The following CPNE1 variants were observed in gnomAD, a reference collection of about 807,000 sequenced individuals.
The protein encoded by CPNE1 is copine-1.
A neutral mutation model predicts 63.2 loss-of-function variants in CPNE1; 58 were observed. The ratio of observed to expected loss-of-function variants is 0.92; its 90% CI spans 0.74 to 1.14. The LOEUF is 1.14. CPNE1 is among the 50% of genes most tolerant of loss of function. CPNE1 has a pLI of 0.00. For missense variants in CPNE1, 672 were observed against 661.7 expected (o/e 1.02, Z -0.17); for synonymous variants, 237 against 249.0 (o/e 0.95, Z 0.45).
chr20:35,653,408 A>G, intron 1 of CPNE1: 1 of 1,614,096 alleles, frequency 6.2e-7, no homozygotes, highest in Non-Finnish European at 8.5e-7. Context: ...GGCATCTTTA[A>G]TCCCTTTTTT....
chr20:35,637,871 A>T (rs772184069), intron 1 of CPNE1, among the ~76,000 whole-genome samples: 2 of 152,124 alleles, frequency 1.3e-5, no homozygotes, highest in Non-Finnish European at 2.9e-5. Flanking sequence ...TGATCCACAT[A>T]TACCTAACAC....
intron 1 of CPNE1, chr20:35,649,471 C>T (rs6060537): frequency 6.6e-6 from 1 of 152,572 alleles, no homozygotes; most frequent in Admixed American, 6.5e-5. Context: ...ATATTACTAC[C>T]TGAAATTTTA....
At chr20:35,650,986 T>A (rs1216688022) in intron 1 of CPNE1, 1 of 152,576 alleles carries the variant, frequency 6.6e-6, no homozygotes. Context: ...CTCATCTATC[T>A]CTCCTTCTGT....
intron 1 of CPNE1, among the ~76,000 whole-genome samples, chr20:35,660,501 G>A (rs1166262975): frequency 6.6e-6 from 1 of 152,132 alleles, no homozygotes; most frequent in African/African-American, 2.4e-5. Flanking sequence ...TTACAGGTGT[G>A]AGCCACCACG....
At chr20:35,636,973 A>G (rs979332182) in intron 1 of CPNE1, among the ~76,000 whole-genome samples, 2 of 152,214 alleles carry the variant, frequency 1.3e-5, no homozygotes, top group Non-Finnish European at 2.9e-5. Flanking sequence ...TGTGAACTCC[A>G]TAATTCTGTA....
chr20:35,634,368 T>C (rs1222508066), intron 1 of CPNE1, among the ~76,000 whole-genome samples: 2 of 150,668 alleles, frequency 1.3e-5, no homozygotes, highest in African/African-American at 4.9e-5. Context: ...CCAGATATGG[T>C]GGCTCACTTG....
intron 1 of CPNE1, chr20:35,649,147 A>C (rs926498427): frequency 6.6e-6 from 1 of 152,422 alleles, no homozygotes; most frequent in Non-Finnish European, 1.5e-5. Flanking sequence ...TAAATGTGGC[A>C]ATTTTGCAAG....
At chr20:35,631,604 A>G (rs757317767) in intron 7 of CPNE1, 26 bp from the exon 8 acceptor site, 2 of 1,610,888 alleles carry the variant, frequency 1.2e-6, no homozygotes, top group African/African-American at 2.7e-5. Flanking sequence ...GTGTGGACAT[A>G]AACAAGCCAG....
intron 1 of CPNE1, among the ~76,000 whole-genome samples, chr20:35,646,381 G>A (rs1432913354): frequency 7.0e-6 from 1 of 143,134 alleles, no homozygotes; most frequent in Non-Finnish European, 1.5e-5. Flanking sequence ...CAAACTCTAA[G>A]TGACAAGGCT....
chr20:35,660,043 T>C (rs1022978250), intron 1 of CPNE1, among the ~76,000 whole-genome samples: 17 of 151,966 alleles, frequency 1.1e-4, no homozygotes, highest in Non-Finnish European at 1.9e-4. Context: ...ATCTGTGTGA[T>C]TTTCTAAAGG....
chr20:35,645,552 G>T (rs1257984516), intron 1 of CPNE1, among the ~76,000 whole-genome samples: 1 of 152,204 alleles, frequency 6.6e-6, no homozygotes, highest in Admixed American at 6.5e-5. Context: ...AGTGCTGGGT[G>T]CACACCACTG....
intron 1 of CPNE1, chr20:35,653,704 T>G (rs148065643): frequency 6.2e-7 from 1 of 1,614,180 alleles, no homozygotes; most frequent in Non-Finnish European, 8.5e-7. Flanking sequence ...TTTGGCAGAG[T>G]TGACATCCCC....
In CPNE1 at chr20:35,654,925, A is replaced by G. The variant is rs1173404612; in HGVS notation, c.-1+9835T>C. On this transcript the variant is annotated intron_variant, in intron 1 of 15. Transcript: ENST00000397443. ...ATGAACAGAAGTGGTGGCAGTAACT[A>G]CACTGGGTGATGGATTATTAAAGTT... is the stretch of plus-strand genomic sequence containing the variant. The G allele has an allele frequency of 6.2e-7, 1 of 1,614,118 alleles. No homozygotes were observed. The highest frequency in any genetic ancestry group is 1.3e-5 in the African/African-American group (1 of 75,028).
At chr20:35,642,056 G>A (rs1051421882) in intron 1 of CPNE1, among the ~76,000 whole-genome samples, 1 of 152,172 alleles carries the variant, frequency 6.6e-6, no homozygotes, top group Non-Finnish European at 1.5e-5. Flanking sequence ...TACTACTGTC[G>A]ATAGGGAATC....
intron 1 of CPNE1, among the ~76,000 whole-genome samples, chr20:35,662,979 T>C (rs1418275906): frequency 1.3e-5 from 2 of 152,230 alleles, no homozygotes; most frequent in East Asian, 1.9e-4. Context: ...TCACATTTAA[T>C]CGAGCATATA....
chr20:35,656,011 G>A (rs926891735), intron 1 of CPNE1, among the ~76,000 whole-genome samples: 2 of 152,054 alleles, frequency 1.3e-5, no homozygotes, highest in Non-Finnish European at 2.9e-5. Flanking sequence ...TATAAACAAG[G>A]TTAAGACATA....
chr20:35,652,180 AC>A (rs1316789484), intron 1 of CPNE1: 3 of 179,030 alleles, frequency 1.7e-5, no homozygotes, highest in Non-Finnish European at 3.5e-5. Flanking sequence ...AATGAGTTCT[AC>A]TGACATTTCT....
chr20:35,640,388 T>C (rs1236740563), intron 1 of CPNE1, among the ~76,000 whole-genome samples: 7 of 152,222 alleles, frequency 4.6e-5, no homozygotes, highest in African/African-American at 1.7e-4. Context: ...CGCCATGGAC[T>C]TTCAACCTCC....
chr20:35,639,028 G>A (rs1159478161), intron 1 of CPNE1, among the ~76,000 whole-genome samples: 1 of 151,214 alleles, frequency 6.6e-6, no homozygotes, highest in African/African-American at 2.4e-5. Flanking sequence ...TCACAGGAGT[G>A]TGTGCATTTG....
Sources: gnomAD v4.1 joint callset for allele counts (sites outside exome capture counted in the v4.1 genomes callset) on GRCh38, gnomAD v4.1.1 for gene constraint, MANE v1.5 for transcripts, NCBI Gene and HGNC (gene_info 2026-07-23, HGNC 2026-07-21) for gene names.